Variants in PASD1 observed in about 807,000 individuals in gnomAD.
PASD1 encodes PAS domain containing repressor 1.
PASD1 carries 13 observed loss-of-function variants against 58.8 expected under a neutral mutation model. That is an observed-to-expected ratio of 0.22 (90% CI 0.14 to 0.35). The LOEUF (loss-of-function observed/expected upper bound fraction) is 0.35, where lower values mean the gene tolerates loss of function less well. Among genes scored for constraint, PASD1 ranks in the 10% least tolerant of loss-of-function variants. The pLI, the probability that PASD1 is intolerant of heterozygous loss-of-function variation, is 1.00. For missense variants in PASD1, 734 were observed against 568.3 expected (o/e 1.29, Z -2.96); for synonymous variants, 236 against 216.7 (o/e 1.09, Z -0.78).
intron 1 of PASD1, among the ~76,000 whole-genome samples, chrX:151,576,673 GTGTA>G (rs953266686): frequency 1.5e-4 from 17 of 112,013 alleles, no homozygotes; most frequent in African/African-American, 5.2e-4. Context: ...AAGTGTGTGT[GTGTA>G]TGTGTGTGTG....
Position 151,568,395 on chromosome X carries a change from C to T in PASD1, c.-28+4556C>T, listed in dbSNP as rs777810075. ...GTTCATGGCCACTAATAAATGTCCC[C>T]CATATTTAAATATACAAGTTATACC... On this transcript the variant is annotated intron_variant, in intron 1 of 15. Transcript: ENST00000370357. Among the ~76,000 whole-genome samples the T allele has an allele frequency of 6.3e-5, 7 of 111,326 alleles. No individual in the cohort carries two copies. In the South Asian group the frequency reaches 2.7e-3, roughly 43 times the overall value.
chrX:151,666,662 G>A (rs1263409481), intron 11 of PASD1, among the ~76,000 whole-genome samples: 3 of 87,110 alleles, frequency 3.4e-5, no homozygotes, highest in Non-Finnish European at 6.7e-5. Context: ...GTGATAGTAT[G>A]CTGAGAATGA....
rs536946673 is a variant in PASD1, at chrX:151,641,020, C to G, written c.630-7595C>G. The G allele has an allele frequency of 3.6e-5, 4 of 111,809 alleles. No homozygotes were observed. In the Admixed American group the frequency reaches 3.8e-4, roughly 11 times the overall value. 9.2% of individuals were successfully genotyped at this position (111,809 alleles called of 1,213,427 possible). On this transcript the variant is annotated intron_variant, in intron 8 of 15. Coordinates refer to ENST00000370357, the MANE Select transcript of PASD1 (RefSeq NM_173493.3). ...TTTATTATTTGACATTAGGGCAACT[C>G]TTACCACAGATTAATTGCTCTTCGG...
intron 1 of PASD1, among the ~76,000 whole-genome samples, chrX:151,594,954 T>C (rs1422830017): frequency 1.8e-5 from 2 of 111,991 alleles, no homozygotes; most frequent in East Asian, 5.6e-4. Context: ...CCCAGCACTT[T>C]AAAGATGTTT....
At chrX:151,604,264 G>T (rs1333737268) in intron 2 of PASD1, among the ~76,000 whole-genome samples, 3 of 111,884 alleles carry the variant, frequency 2.7e-5, no homozygotes, top group Non-Finnish European at 5.6e-5. Flanking sequence ...ATTTAGTTAG[G>T]ACTAGGGAAG....
At chrX:151,618,506 C>T (rs1475670853) in intron 4 of PASD1, among the ~76,000 whole-genome samples, 2 of 111,953 alleles carry the variant, frequency 1.8e-5, no homozygotes, top group Non-Finnish European at 3.8e-5. Context: ...CCAATATTTA[C>T]TGAGTGCTTA....
At chrX:151,608,648 A>G (rs1042579503) in intron 3 of PASD1, among the ~76,000 whole-genome samples, 5 of 111,555 alleles carry the variant, frequency 4.5e-5, no homozygotes, top group African/African-American at 6.5e-5. Context: ...CGTTTTATCT[A>G]TTATATTTAA....
Position 151,672,665 on chromosome X carries a change from A to C in PASD1, c.1916+4A>C, listed in dbSNP as rs1421095821. Reference sequence around the variant, plus strand: ...AACAGGAAGATGAGAGTCAAAGGTAAGACATGCATGGAATGGTGATAGTGG... The same window carrying C: ...AACAGGAAGATGAGAGTCAAAGGTACGACATGCATGGAATGGTGATAGTGG... On this transcript the variant is annotated splice_donor_region_variant and intron_variant, in intron 14 of 15. Transcript: ENST00000370357. The C allele has an allele frequency of 1.7e-6, 2 of 1,208,271 alleles. No homozygotes were observed. The highest frequency in any genetic ancestry group is 2.2e-6 in the Non-Finnish European group (2 of 894,164).
At chrX:151,590,776 G>T (rs2013235657) in intron 1 of PASD1, among the ~76,000 whole-genome samples, 1 of 109,737 alleles carries the variant, frequency 9.1e-6, no homozygotes, top group African/African-American at 3.3e-5. Flanking sequence ...TGTTGCCCAG[G>T]CTGGGCTTGA....
At chrX:151,572,276 A>G (rs2012937935) in intron 1 of PASD1, among the ~76,000 whole-genome samples, 1 of 111,569 alleles carries the variant, frequency 9.0e-6, no homozygotes, top group Non-Finnish European at 1.9e-5. Flanking sequence ...CAACAACAAC[A>G]ATAATAACAA....
chrX:151,636,459 A>G (rs1158839964), intron 8 of PASD1, among the ~76,000 whole-genome samples: 2 of 111,289 alleles, frequency 1.8e-5, no homozygotes, highest in Admixed American at 1.9e-4. Context: ...GCTGAAGTGC[A>G]GTGGCGTGAT....
At position 151,620,971 on chromosome X, in the gene PASD1, T is replaced by C; in HGVS notation, c.249T>C (p.Asp83=). Residue 83 remains aspartate, a synonymous_variant, in exon 5 of 16, where the codon GAT becomes GAC. Coordinates refer to ENST00000370357, the MANE Select transcript of PASD1 (RefSeq NM_173493.3). ...AAAAATTATTAAGCCTTCTGCCTGA[T>C]GAAGAGAAAGATGAAGTCTACCAAA... ...VGKKLLSLLP[D]EEKDEVYQKI... 1 of 1,208,964 alleles carries C rather than the reference T, an allele frequency of 8.3e-7. No individual in the cohort carries two copies.
chrX:151,587,446 C>G (rs765442888), intron 1 of PASD1, among the ~76,000 whole-genome samples: 1 of 111,562 alleles, frequency 9.0e-6, no homozygotes, highest in Non-Finnish European at 1.9e-5. Flanking sequence ...TGGCCTGACC[C>G]TGTTCTCAGA....
intron 8 of PASD1, among the ~76,000 whole-genome samples, chrX:151,631,991 T>C (rs1248698841): frequency 2.7e-5 from 3 of 111,423 alleles, no homozygotes; most frequent in African/African-American, 9.8e-5. Context: ...TGGAAGTTTC[T>C]GTTCCAAGAT....
At chrX:151,603,599 T>C (rs1162305908) in intron 2 of PASD1, among the ~76,000 whole-genome samples, 1 of 111,410 alleles carries the variant, frequency 9.0e-6, no homozygotes, top group African/African-American at 3.3e-5. Flanking sequence ...TGAAGAGCTA[T>C]GCCTAGAATT....
At chrX:151,569,867 G>A (rs1289857507) in intron 1 of PASD1, among the ~76,000 whole-genome samples, 2 of 110,429 alleles carry the variant, frequency 1.8e-5, no homozygotes, top group African/African-American at 6.6e-5. Context: ...GGTTTCCTTG[G>A]CCCCTTTTTC....
chrX:151,569,918 C>T (rs899979768), intron 1 of PASD1, among the ~76,000 whole-genome samples: 6 of 111,186 alleles, frequency 5.4e-5, no homozygotes, highest in African/African-American at 2.0e-4. Flanking sequence ...TCAACCTTTT[C>T]ACTCGGTGGT....
At chrX:151,623,931 A>G (rs2013750980) in intron 7 of PASD1, among the ~76,000 whole-genome samples, 2 of 111,755 alleles carry the variant, frequency 1.8e-5, no homozygotes, top group Admixed American at 9.5e-5. Flanking sequence ...AGAAAATAAG[A>G]TCCAATAGAT....
chrX:151,575,275 C>A lies in PASD1; in HGVS notation c.-28+11436C>A, dbSNP rs1325358360. Among the ~76,000 whole-genome samples, 3 of 109,728 alleles carry A rather than the reference C, an allele frequency of 2.7e-5. No homozygotes were observed. The East Asian group carries it at 8.6e-4, about 31-fold the overall frequency. ...CCAGTTTCTCCAATCAATAGCATTT[C>A]TGTGAGAATTGTAACACTATGAAAA... On this transcript the variant is annotated intron_variant, in intron 1 of 15. Coordinates refer to ENST00000370357, the MANE Select transcript of PASD1 (RefSeq NM_173493.3).
Sources: allele counts gnomAD v4.1 joint callset (sites outside exome capture counted in the v4.1 genomes callset), GRCh38; gene constraint gnomAD v4.1.1; transcripts MANE v1.5; gene names NCBI Gene and HGNC (gene_info 2026-07-23, HGNC 2026-07-21).